CCIN: variants seen among roughly 807,000 people sequenced by gnomAD.
CCIN encodes the protein calicin.
A neutral mutation model predicts 32.2 loss-of-function variants in CCIN; 15 were observed. The ratio of observed to expected loss-of-function variants is 0.47; its 90% CI spans 0.31 to 0.72. The LOEUF (loss-of-function observed/expected upper bound fraction) is 0.72, where lower values mean the gene tolerates loss of function less well. Ranked by LOEUF, CCIN falls within the 30% of genes least tolerant of loss-of-function variation. The pLI, the probability that CCIN is intolerant of heterozygous loss-of-function variation, is 0.05. For missense variants in CCIN, 623 were observed against 759.4 expected, an observed-to-expected ratio of 0.82 and a Z score of 2.11; for synonymous variants, 302 against 297.4, an observed-to-expected ratio of 1.02 and a Z score of -0.16.
Position 36,169,422 on chromosome 9 carries a change from C to A in CCIN, c.-81C>A. On this transcript the variant is annotated 5_prime_UTR_variant, in exon 1 of 1. Coordinates refer to ENST00000335119, the MANE Select transcript of CCIN (RefSeq NM_005893.3). ...CCCTGGTCAACCGCTCTGCAAACAACCATCAATCTGATCCCACAGGCCTGA... is the reference window on the plus strand; with the variant it reads ...CCCTGGTCAACCGCTCTGCAAACAAACATCAATCTGATCCCACAGGCCTGA... 7.2e-7 allele frequency: 1 copy of A among 1,380,170 alleles called. No individual in the cohort carries two copies. Among genetic ancestry groups the A allele is most frequent in the East Asian group, 2.3e-5 (1 of 43,128 alleles). The allele number at this position is 1,380,170 out of a possible 1,614,324, so 85.5% of individuals were successfully genotyped here.
rs1478705920 is a variant in CCIN, at chr9:36,169,488, C to T, written c.-15C>T. 5 of 1,613,538 alleles carry T rather than the reference C, an allele frequency of 3.1e-6. No homozygotes were observed. In the African/African-American group the frequency reaches 4.0e-5, roughly 13 times the overall value. ...AGTACCTGCTGCTGATCTGTTTCAG[C>T]CGACAAGAGGCACCATGAAATTGGA... is the stretch of plus-strand genomic sequence containing the variant. On this transcript the variant is annotated 5_prime_UTR_variant, in exon 1 of 1. Coordinates refer to ENST00000335119, the MANE Select transcript of CCIN (RefSeq NM_005893.3).
rs2132816524 is a variant in CCIN at position 36,170,230 on chromosome 9, T to C, written c.728T>C (p.Met243Thr). ...LVFASNKLVG[M>T]ENTSSHTTLI... ...TTTGCCAGCAACAAGCTGGTGGGCA[T>C]GGAGAACACCTCATCCCATACAACC... Residue 243 changes from methionine (M) to threonine (T), a missense_variant, in exon 1 of 1, where the codon ATG becomes ACG. Physicochemically the swap from Met to Thr is moderately conservative, Grantham distance 81. Coordinates refer to ENST00000335119, the MANE Select transcript of CCIN (RefSeq NM_005893.3). The C allele has an allele frequency of 6.2e-7, 1 of 1,614,176 alleles. No homozygotes were observed. Among genetic ancestry groups the C allele is most frequent in the South Asian group, 1.1e-5 (1 of 91,074 alleles).
chr9:36,169,761 G>C lies in CCIN; in HGVS notation c.259G>C (p.Asp87His). The C allele has an allele frequency of 6.2e-7, 1 of 1,614,176 alleles. No homozygotes were observed. Among genetic ancestry groups the C allele is most frequent in the Non-Finnish European group, 8.5e-7 (1 of 1,180,026 alleles). The part of the protein sequence containing the change: ...LSPVTVDQLL[D>H]YFYSGKVVIS... Reference sequence around the variant, plus strand: ...CCCGGTCACAGTGGACCAGCTTCTGGACTACTTCTATAGCGGCAAGGTGGT... The same window carrying C: ...CCCGGTCACAGTGGACCAGCTTCTGCACTACTTCTATAGCGGCAAGGTGGT... Residue 87 changes from aspartate (D) to histidine (H), a missense_variant, in exon 1 of 1, where the codon GAC becomes CAC. Coordinates refer to ENST00000335119, the MANE Select transcript of CCIN (RefSeq NM_005893.3).
chr9:36,170,901 C>T lies in CCIN; in HGVS notation c.1399C>T (p.His467Tyr). Residue 467 changes from histidine to tyrosine, a missense_variant, in exon 1 of 1, where the codon CAT (histidine) becomes TAT (tyrosine). His to Tyr is a moderately conservative substitution (Grantham distance 83, BLOSUM62 2). Coordinates refer to ENST00000335119, the MANE Select transcript of CCIN (RefSeq NM_005893.3). The part of the protein sequence containing the change: ...QCITFPIEFN[H>Y]RPLLSFQQDN... ...TATCACCTTCCCCATTGAGTTCAAC[C>T]ATCGGCCCCTGCTCTCTTTCCAACA... is the stretch of plus-strand genomic sequence containing the variant. 6.2e-7 allele frequency: 1 copy of T among 1,614,238 alleles called. No homozygotes were observed. The highest frequency in any genetic ancestry group is 2.2e-5 in the East Asian group (1 of 44,890).
rs142009478 is a variant in CCIN at position 36,170,497 on chromosome 9, C to T, written c.995C>T (p.Ser332Phe). The T allele has an allele frequency of 3.1e-6, 5 of 1,614,062 alleles. No homozygotes were observed. The highest frequency in any genetic ancestry group is 4.2e-6 in the Non-Finnish European group (5 of 1,180,048). Residue 332 changes from serine (S) to phenylalanine (F), a missense_variant, in exon 1 of 1, where the codon TCT becomes TTT. Ser to Phe is a radical substitution (Grantham distance 155). Transcript: ENST00000335119. ...ATSAGRYIYISGGTTEQISGL... is the reference protein window; with the variant it reads ...ATSAGRYIYIFGGTTEQISGL... ...TCTGCTGGTCGCTACATCTACATCT[C>T]TGGTGGCACCACTGAGCAGATTTCA...
rs191229225 is a variant in CCIN at position 36,169,402 on chromosome 9, G to C, written c.-101G>C. ...TCTCTTCCACCCTCTCTTCTCCCTG[G>C]TCAACCGCTCTGCAAACAACCATCA... On this transcript the variant is annotated 5_prime_UTR_variant, in exon 1 of 1. Transcript: ENST00000335119. 1,121 of 1,170,210 alleles carry C rather than the reference G, an allele frequency of 9.6e-4. 10 individuals are homozygous for C. The African/African-American group carries it at 0.014, about 15-fold the overall frequency. 72.5% of individuals were successfully genotyped at this position (1,170,210 alleles called of 1,614,324 possible).
rs778937640 is a variant in CCIN, at chr9:36,170,393, G to A, written c.891G>A (p.Val297=). 2 of 1,614,160 alleles carry A rather than the reference G, an allele frequency of 1.2e-6. No homozygotes were observed. The highest frequency in any genetic ancestry group is 2.2e-5 in the South Asian group (2 of 91,088). The change falls in exon 1 of 1, where the codon GTG becomes GTA. Residue 297 remains valine, a synonymous_variant. Transcript: ENST00000335119. ...CCCACGGCCAGTTCAATGATGGAGT[G>A]TTTGCTTATATCATCCAGGAGAACC... is the stretch of plus-strand genomic sequence containing the variant. ...QKAHGQFNDG[V]FAYIIQENLW... is the part of the protein sequence containing the mutation.
Position 36,169,406 on chromosome 9 carries a change from A to G in CCIN, c.-97A>G, listed in dbSNP as rs749473660. On this transcript the variant is annotated 5_prime_UTR_variant, in exon 1 of 1. Transcript: ENST00000335119. ...TTCCACCCTCTCTTCTCCCTGGTCA[A>G]CCGCTCTGCAAACAACCATCAATCT... The G allele has an allele frequency of 2.5e-6, 3 of 1,207,264 alleles. No homozygotes were observed. Among genetic ancestry groups the G allele is most frequent in the African/African-American group, 1.5e-5 (1 of 65,400 alleles). 74.8% of individuals were successfully genotyped at this position (1,207,264 alleles called of 1,614,324 possible).
rs1241317018 is a variant in CCIN at position 36,170,812 on chromosome 9, G to T, written c.1310G>T (p.Gly437Val). Residue 437 changes from glycine (G) to valine (V), a missense_variant, in exon 1 of 1, where the codon GGT (glycine) becomes GTT (valine). Coordinates refer to ENST00000335119, the MANE Select transcript of CCIN (RefSeq NM_005893.3). ...GTCACTGGACGGTGCTTGGTGAAAG[G>T]TTATATCTCCCGGGTCGGGGTAGTG... ...YIVTGRCLVK[G>V]YISRVGVVDC... The T allele has an allele frequency of 1.2e-6, 2 of 1,614,144 alleles. No individual in the cohort carries two copies. Among genetic ancestry groups the T allele is most frequent in the South Asian group, 1.1e-5 (1 of 91,088 alleles).
In CCIN at chr9:36,170,486, C is replaced by T. The variant is rs763756344; in HGVS notation, c.984C>T (p.Tyr328=). ...TTAGTGCCACCTCTGCTGGTCGCTA[C>T]ATCTACATCTCTGGTGGCACCACTG... ...AALSATSAGR[Y]IYISGGTTEQ... The change falls in exon 1 of 1, where the codon TAC becomes TAT. Residue 328 remains tyrosine (Y), a synonymous_variant. Coordinates refer to ENST00000335119, the MANE Select transcript of CCIN (RefSeq NM_005893.3). The T allele has an allele frequency of 8.1e-6, 13 of 1,614,068 alleles. No homozygotes were observed. In the African/African-American group the frequency reaches 1.6e-4, roughly 20 times the overall value.
chr9:36,169,663 G>C lies in CCIN; in HGVS notation c.161G>C (p.Arg54Thr). The change falls in exon 1 of 1, where the codon AGG (arginine) becomes ACG (threonine). Residue 54 changes from arginine to threonine, a missense_variant. Coordinates refer to ENST00000335119, the MANE Select transcript of CCIN (RefSeq NM_005893.3). ...CTGGCTGCTGTCTCCCCACTGGTGAGGAGCCTCATCTCCAGCAATGACATG... is the reference window on the plus strand; with the variant it reads ...CTGGCTGCTGTCTCCCCACTGGTGACGAGCCTCATCTCCAGCAATGACATG... Reference protein sequence around the residue: ...NVLAAVSPLVRSLISSNDMKT... With the variant: ...NVLAAVSPLVTSLISSNDMKT... 1 of 1,614,216 alleles carries C rather than the reference G, an allele frequency of 6.2e-7. No homozygotes were observed. Among genetic ancestry groups the C allele is most frequent in the South Asian group, 1.1e-5 (1 of 91,082 alleles).
chr9:36,169,861 G>A lies in CCIN; in HGVS notation c.359G>A (p.Cys120Tyr), dbSNP rs1826284681. The A allele has an allele frequency of 6.2e-7, 1 of 1,614,148 alleles. No individual in the cohort carries two copies. The highest frequency in any genetic ancestry group is 1.1e-5 in the South Asian group (1 of 91,086). ...AACACACCACGCCTTCGAGTTCACT[G>A]TAACGACTTCCTTATTAAGTCCATC... ...YFNTPRLRVHCNDFLIKSICR... is the reference protein window; with the variant it reads ...YFNTPRLRVHYNDFLIKSICR... Residue 120 changes from cysteine to tyrosine, a missense_variant, in exon 1 of 1, where the codon TGT becomes TAT. Coordinates refer to ENST00000335119, the MANE Select transcript of CCIN (RefSeq NM_005893.3).
rs370261629 is a variant in CCIN, at chr9:36,171,310, C to T, written c.*41C>T. ...GAATAAGTAAATGCATTATTATTCA[C>T]GATTTAATGAGAGAAAGAGAGGAAG... On this transcript the variant is annotated 3_prime_UTR_variant, in exon 1 of 1. Transcript: ENST00000335119. 7.8e-5 allele frequency: 124 copies of T among 1,586,204 alleles called. No homozygotes were observed. The highest frequency in any genetic ancestry group is 1.9e-4 in the Middle Eastern group (1 of 5,368).
chr9:36,170,266 G>A lies in CCIN; in HGVS notation c.764G>A (p.Ser255Asn), dbSNP rs966627007. 1.9e-6 allele frequency: 3 copies of A among 1,614,058 alleles called. No individual in the cohort carries two copies. The highest frequency in any genetic ancestry group is 2.7e-5 in the African/African-American group (2 of 74,958). The change falls in exon 1 of 1, where the codon AGT becomes AAT. Residue 255 changes from serine to asparagine, a missense_variant. By Grantham distance (46) the Ser-to-Asn change is conservative. Coordinates refer to ENST00000335119, the MANE Select transcript of CCIN (RefSeq NM_005893.3). ...NTSSHTTLIE[S>N]VLMDRKQERP... ...TCATCCCATACAACCCTGATTGAGA[G>A]TGTCCTGATGGACCGCAAGCAGGAG...
chr9:36,170,772 A>G lies in CCIN; in HGVS notation c.1270A>G (p.Arg424Gly), dbSNP rs776005835. The G allele has an allele frequency of 1.2e-6, 2 of 1,614,278 alleles. No homozygotes were observed. The highest frequency in any genetic ancestry group is 1.1e-5 in the South Asian group (1 of 91,090). Reference sequence around the variant, plus strand: ...CACCGCCGTGATCACTAAAGGAGACAGGCATCTGTACATTGTCACTGGACG... The same window carrying G: ...CACCGCCGTGATCACTAAAGGAGACGGGCATCTGTACATTGTCACTGGACG... ...DGTAVITKGD[R>G]HLYIVTGRCL... Residue 424 changes from arginine (R) to glycine (G), a missense_variant, in exon 1 of 1, where the codon AGG becomes GGG. Transcript: ENST00000335119.
At position 36,170,619 on chromosome 9, in the gene CCIN, T is replaced by A. The variant is rs368340978; in HGVS notation, c.1117T>A (p.Cys373Ser). Reference protein sequence around the residue: ...IGLVFHTMVTCGGTVYSVGGS... With the variant: ...IGLVFHTMVTSGGTVYSVGGS... ...GCTTGTCTTCCACACCATGGTGACC[T>A]GTGGGGGGACAGTGTACTCAGTGGG... Residue 373 changes from cysteine (C) to serine (S), a missense_variant, in exon 1 of 1, where the codon TGT becomes AGT. Physicochemically the swap from Cys to Ser is moderately radical, Grantham distance 112 (BLOSUM62 -1). Transcript: ENST00000335119. 9.9e-6 allele frequency: 16 copies of A among 1,613,996 alleles called. No homozygotes were observed. Among genetic ancestry groups the A allele is most frequent in the African/African-American group, 1.3e-5 (1 of 74,942 alleles).
In CCIN at chr9:36,171,176, C is replaced by A; in HGVS notation, c.1674C>A (p.Gly558=). Residue 558 remains glycine, a synonymous_variant, in exon 1 of 1, where the codon GGC becomes GGA. Transcript: ENST00000335119. ...CCTTCTTGCTGGACCAAAAGACAGG[C>A]AAGTGGAAGACCCTGGCTCCTCCAC... The part of the protein sequence containing the change: ...PNAFLLDQKT[G]KWKTLAPPPE... 1 of 1,614,240 alleles carries A rather than the reference C, an allele frequency of 6.2e-7. No individual in the cohort carries two copies. The highest frequency in any genetic ancestry group is 8.5e-7 in the Non-Finnish European group (1 of 1,180,052).
Position 36,171,230 on chromosome 9 carries a change from T to G in CCIN, c.1728T>G (p.Cys576Trp). Residue 576 changes from cysteine (C) to tryptophan (W), a missense_variant, in exon 1 of 1, where the codon TGT becomes TGG. Physicochemically the swap from Cys to Trp is radical, Grantham distance 215 (BLOSUM62 -2). Transcript: ENST00000335119. ...PPEALDCPAC[C>W]LAKLPCKILQ... ...AGGCACTGGACTGTCCTGCCTGCTGTCTAGCCAAGCTACCTTGCAAGATTC... is the reference window on the plus strand; with the variant it reads ...AGGCACTGGACTGTCCTGCCTGCTGGCTAGCCAAGCTACCTTGCAAGATTC... The G allele has an allele frequency of 6.2e-7, 1 of 1,613,712 alleles. No individual in the cohort carries two copies. The highest frequency in any genetic ancestry group is 8.5e-7 in the Non-Finnish European group (1 of 1,179,910).
Position 36,170,568 on chromosome 9 carries a change from A to G in CCIN, c.1066A>G (p.Thr356Ala), listed in dbSNP as rs372841966. The G allele has an allele frequency of 6.3e-5, 101 of 1,613,980 alleles. No homozygotes were observed. The highest frequency in any genetic ancestry group is 8.3e-5 in the Non-Finnish European group (98 of 1,180,018). ...WRYDMDDNSW[T>A]KLPDLPIGLV... ...GTATGACATGGATGACAACTCCTGG[A>G]CCAAGTTGCCTGACCTGCCCATCGG... The change falls in exon 1 of 1, where the codon ACC becomes GCC. Residue 356 changes from threonine to alanine, a missense_variant. By Grantham distance (58) the Thr-to-Ala change is moderately conservative (BLOSUM62 0). Coordinates refer to ENST00000335119, the MANE Select transcript of CCIN (RefSeq NM_005893.3).
Sources: allele counts gnomAD v4.1 joint callset, GRCh38; gene constraint gnomAD v4.1.1; transcripts MANE v1.5; gene names NCBI Gene and HGNC (gene_info 2026-07-23, HGNC 2026-07-21).